Variants in ARHGAP15 observed in about 807,000 individuals in gnomAD.
ARHGAP15 encodes rho GTPase-activating protein 15.
In ARHGAP15, 51 loss-of-function variants were observed where a neutral mutation model predicts 63.7. The observed-to-expected ratio is 0.80, with a 90% CI of 0.64 to 1.01. The LOEUF is 1.01. ARHGAP15 is among the 50% of genes least tolerant of loss of function. The probability of loss-of-function intolerance (pLI) is 0.00; values close to 1 mark genes in which losing one functional copy is unlikely to be tolerated. For synonymous variants in ARHGAP15, 191 were observed against 193.8 expected, an observed-to-expected ratio of 0.99 and a Z score of 0.12; for missense variants, 560 against 564.6, an observed-to-expected ratio of 0.99 and a Z score of 0.08.
At chr2:143,275,368 TTAAC>T (rs1447440597) in intron 6 of ARHGAP15, among the ~76,000 whole-genome samples, 1 of 152,142 alleles carries the variant, frequency 6.6e-6, no homozygotes, top group African/African-American at 2.4e-5. Context: ...AAAATGGAAA[TTAAC>T]TAGTAAGGGA....
intron 9 of ARHGAP15, among the ~76,000 whole-genome samples, chr2:143,511,452 T>A (rs1419598850): frequency 6.6e-6 from 1 of 152,218 alleles, no homozygotes; most frequent in Non-Finnish European, 1.5e-5. Flanking sequence ...AGAGGTGCTT[T>A]CTAAATAATA....
intron 6 of ARHGAP15, among the ~76,000 whole-genome samples, chr2:143,306,802 C>T (rs939958964): frequency 1.3e-5 from 2 of 152,122 alleles, no homozygotes; most frequent in African/African-American, 4.8e-5. Context: ...CCCCCAAATC[C>T]CACCAACTTT....
At chr2:143,163,720 C>G (rs575763247) in intron 2 of ARHGAP15, among the ~76,000 whole-genome samples, 1 of 152,032 alleles carries the variant, frequency 6.6e-6, no homozygotes, top group Non-Finnish European at 1.5e-5. Flanking sequence ...TCTATAGTAC[C>G]TAGTTTTTGC....
intron 2 of ARHGAP15, among the ~76,000 whole-genome samples, chr2:143,179,643 T>C (rs1691149451): frequency 6.6e-6 from 1 of 152,180 alleles, no homozygotes; most frequent in Non-Finnish European, 1.5e-5. Context: ...ATCCCAACAC[T>C]TTGGGAGACT....
At chr2:143,761,458 A>G (rs565751695) in intron 13 of ARHGAP15, among the ~76,000 whole-genome samples, 5 of 152,200 alleles carry the variant, frequency 3.3e-5, no homozygotes, top group Admixed American at 6.5e-5. Context: ...CCAGGCAATT[A>G]TGTGACTTTC....
intron 12 of ARHGAP15, among the ~76,000 whole-genome samples, chr2:143,637,103 T>C (rs1680355268): frequency 8.2e-6 from 1 of 122,002 alleles, no homozygotes; most frequent in Non-Finnish European, 2.0e-5. Flanking sequence ...TAAACTTTGT[T>C]GCCCCCCCCA....
At chr2:143,623,537 A>G (rs988789239) in intron 11 of ARHGAP15, among the ~76,000 whole-genome samples, 1 of 152,160 alleles carries the variant, frequency 6.6e-6, no homozygotes, top group Non-Finnish European at 1.5e-5. Flanking sequence ...TGAGAACTAA[A>G]AAAAAAAGAT....
chr2:143,717,091 A>T (rs2105453698), intron 13 of ARHGAP15, among the ~76,000 whole-genome samples: 1 of 152,354 alleles, frequency 6.6e-6, no homozygotes, highest in African/African-American at 2.4e-5. Context: ...GCCTGCATAT[A>T]TACACTTAGA....
Position 143,155,618 on chromosome 2 carries a change from C to T in ARHGAP15, c.128C>T (p.Ser43Phe), listed in dbSNP as rs768713477. 1 of 1,600,434 alleles carries T rather than the reference C, an allele frequency of 6.2e-7. No homozygotes were observed. The highest frequency in any genetic ancestry group is 8.5e-7 in the Non-Finnish European group (1 of 1,174,846). Reference protein sequence around the residue: ...SHHDRLSQSKSMILTDVGKVT... With the variant: ...SHHDRLSQSKFMILTDVGKVT... ...CATGACAGGCTCAGCCAAAGTAAAT[C>T]CATGATCCTCACCGATGTCGGGAAG... The change falls in exon 2 of 14, where the codon TCC (serine) becomes TTC (phenylalanine). Residue 43 changes from serine (S) to phenylalanine (F), a missense_variant. By Grantham distance (155) the Ser-to-Phe change is radical. Coordinates refer to ENST00000295095, the MANE Select transcript of ARHGAP15 (RefSeq NM_018460.4).
chr2:143,343,429 G>A (rs1418566372), intron 6 of ARHGAP15, among the ~76,000 whole-genome samples: 5 of 151,996 alleles, frequency 3.3e-5, no homozygotes, highest in African/African-American at 1.2e-4. Flanking sequence ...CAGAAAACAG[G>A]TAGAGATTGG....
intron 1 of ARHGAP15, among the ~76,000 whole-genome samples, chr2:143,132,231 A>T (rs2104976930): frequency 6.6e-6 from 1 of 152,350 alleles, no homozygotes; most frequent in Admixed American, 6.5e-5. Context: ...AGTGTGCAAA[A>T]CTTCTTTGTT....
At chr2:143,344,654 A>G (rs959661396) in intron 6 of ARHGAP15, among the ~76,000 whole-genome samples, 6 of 152,262 alleles carry the variant, frequency 3.9e-5, no homozygotes, top group South Asian at 2.1e-4. Flanking sequence ...TTCCGTGGAA[A>G]AGTTGAGAAT....
At chr2:143,534,232 C>T (rs979428972) in intron 10 of ARHGAP15, among the ~76,000 whole-genome samples, 22 of 152,214 alleles carry the variant, frequency 1.4e-4, no homozygotes, top group African/African-American at 5.3e-4. Flanking sequence ...CTTCTTTCTT[C>T]CACCTTGAGA....
intron 1 of ARHGAP15, among the ~76,000 whole-genome samples, chr2:143,141,750 G>A (rs890910385): frequency 1.3e-5 from 2 of 152,084 alleles, no homozygotes; most frequent in African/African-American, 4.8e-5. Flanking sequence ...CTTCATTTGC[G>A]ATCTTACCAG....
At chr2:143,264,117 C>G (rs1020675717) in intron 6 of ARHGAP15, among the ~76,000 whole-genome samples, 2 of 151,586 alleles carry the variant, frequency 1.3e-5, no homozygotes, top group Non-Finnish European at 2.9e-5. Flanking sequence ...GTTCATGGAA[C>G]TTTCTTAATC....
intron 13 of ARHGAP15, among the ~76,000 whole-genome samples, chr2:143,757,540 A>G (rs1444457996): frequency 2.6e-5 from 4 of 151,886 alleles, no homozygotes; most frequent in Non-Finnish European, 5.9e-5. Context: ...ATATACACAT[A>G]CATACATACA....
In ARHGAP15 at chr2:143,326,295, A is replaced by G. The variant is rs117155228; in HGVS notation, c.474+75695A>G. On this transcript the variant is annotated intron_variant, in intron 6 of 13. Coordinates refer to ENST00000295095, the MANE Select transcript of ARHGAP15 (RefSeq NM_018460.4). ...AGTAAACAACAACATTTGATTTACT[A>G]TTATCTGAGCAACACTTATGAAGTA... 1.1e-3 allele frequency among the ~76,000 whole-genome samples: 171 copies of G among 152,250 alleles called. 1 individual carries two copies. In the East Asian group the frequency reaches 0.026, roughly 23 times the overall value.
chr2:143,167,629 T>C (rs1690598786), intron 2 of ARHGAP15, among the ~76,000 whole-genome samples: 2 of 152,152 alleles, frequency 1.3e-5, no homozygotes, highest in Admixed American at 1.3e-4. Context: ...GTCACCAACA[T>C]GTACCTAGAA....
intron 6 of ARHGAP15, among the ~76,000 whole-genome samples, chr2:143,342,901 A>G (rs944477249): frequency 6.9e-6 from 1 of 144,804 alleles, no homozygotes; most frequent in Non-Finnish European, 1.5e-5. Flanking sequence ...TCCTTGTTTT[A>G]ATCTTTTTTT....
Sources: allele counts gnomAD v4.1 joint callset (sites outside exome capture counted in the v4.1 genomes callset), GRCh38; gene constraint gnomAD v4.1.1; transcripts MANE v1.5; gene names NCBI Gene and HGNC (gene_info 2026-07-23, HGNC 2026-07-21).